Variants in NF1 observed in about 807,000 individuals in gnomAD.
NF1 encodes the protein neurofibromin 1.
A neutral mutation model predicts 325.7 loss-of-function variants in NF1; 122 were observed. The ratio of observed to expected loss-of-function variants is 0.37; its 90% CI spans 0.32 to 0.44. The LOEUF is 0.44. Ranked by LOEUF, NF1 falls within the 20% of genes least tolerant of loss-of-function variation. The pLI, the probability that NF1 is intolerant of heterozygous loss-of-function variation, is 1.00. For synonymous variants in NF1, 1,091 were observed against 1,186.0 expected, an observed-to-expected ratio of 0.92 and a Z score of 1.65; for missense variants, 2,140 against 3,415.4, an observed-to-expected ratio of 0.63 and a Z score of 9.31.
In NF1 at chr17:31,227,254, T is replaced by C. The variant is rs199474762; in HGVS notation, c.2288T>C (p.Leu763Pro). The C allele has an allele frequency of 1.2e-6, 2 of 1,613,734 alleles. No individual in the cohort carries two copies. The highest frequency in any genetic ancestry group is 1.7e-6 in the Non-Finnish European group (2 of 1,179,694). Reference sequence around the variant, plus strand: ...CTTCAGAAAAGAGTGATGGCACTGCTGAGGCGCATTGAGCATCCCACTGCA... The same window carrying C: ...CTTCAGAAAAGAGTGATGGCACTGCCGAGGCGCATTGAGCATCCCACTGCA... The part of the protein sequence containing the change: ...AALQKRVMAL[L>P]RRIEHPTAGN... The change falls in exon 19 of 58, where the codon CTG becomes CCG. Residue 763 changes from leucine to proline, a missense_variant. Around this residue, in one of 10 missense-constraint regions of NF1, gnomAD observed 380 missense variants for 639.3 expected, o/e 0.59. Coordinates refer to ENST00000358273, the MANE Select transcript of NF1 (RefSeq NM_001042492.3).
At chr17:31,174,972 A>G (rs1451431911) in intron 5 of NF1, among the ~76,000 whole-genome samples, 1 of 151,792 alleles carries the variant, frequency 6.6e-6, no homozygotes, top group Non-Finnish European at 1.5e-5. Flanking sequence ...AGCTGGGTGT[A>G]GTGGCGCACG....
chr17:31,196,804 C>G (rs1337679658), intron 8 of NF1, among the ~76,000 whole-genome samples: 1 of 152,148 alleles, frequency 6.6e-6, no homozygotes, highest in Non-Finnish European at 1.5e-5. Flanking sequence ...CATCCTTTCT[C>G]TATTGAATGG....
Position 31,226,430 on chromosome 17 carries a change from C to G in NF1, c.2002-5C>G, listed in dbSNP as rs1165625614. 1 of 1,613,166 alleles carries G rather than the reference C, an allele frequency of 6.2e-7. No homozygotes were observed. ...AAATATATGTCTTCCACCCTTGACT[C>G]TCAGGATAGTGCAGCAGGATGCAGC... is the stretch of plus-strand genomic sequence containing the variant. On this transcript the variant is annotated splice_polypyrimidine_tract_variant and splice_region_variant and intron_variant, in intron 17 of 57. Coordinates refer to ENST00000358273, the MANE Select transcript of NF1 (RefSeq NM_001042492.3).
At chr17:31,123,127 T>C (rs1914578243) in intron 1 of NF1, among the ~76,000 whole-genome samples, 1 of 152,208 alleles carries the variant, frequency 6.6e-6, no homozygotes, top group Non-Finnish European at 1.5e-5. Context: ...ATGAAGGAGA[T>C]GAAGCCTACA....
intron 3 of NF1, among the ~76,000 whole-genome samples, chr17:31,162,734 G>A (rs2065783867): frequency 1.3e-5 from 2 of 152,300 alleles, no homozygotes; most frequent in South Asian, 2.1e-4. Context: ...TGAGTAGGTA[G>A]TGTCTGTTTT....
intron 1 of NF1, among the ~76,000 whole-genome samples, chr17:31,151,035 A>C (rs78680741): frequency 1.2e-5 from 1 of 85,028 alleles, no homozygotes; most frequent in Non-Finnish European, 3.2e-5. Context: ...GCTCTGTCTC[A>C]AAAAAAAAAT....
chr17:31,305,053 A>G (rs771413444), intron 36 of NF1: 21 of 1,614,106 alleles, frequency 1.3e-5, no homozygotes, highest in Non-Finnish European at 1.6e-5. Context: ...GGTAGTATCT[A>G]AGATAAATCC....
intron 12 of NF1, among the ~76,000 whole-genome samples, chr17:31,210,784 C>T (rs2066715926): frequency 6.6e-6 from 1 of 152,076 alleles, no homozygotes; most frequent in Non-Finnish European, 1.5e-5. Context: ...TCTATTAATA[C>T]AATCTAAGAT....
At chr17:31,199,741 C>T (rs2066493302) in intron 8 of NF1, among the ~76,000 whole-genome samples, 1 of 152,112 alleles carries the variant, frequency 6.6e-6, no homozygotes, top group African/African-American at 2.4e-5. Flanking sequence ...TGAATATAAC[C>T]TGGAGTGTTA....
intron 12 of NF1, among the ~76,000 whole-genome samples, chr17:31,211,063 T>G (rs2066720493): frequency 6.6e-6 from 1 of 152,242 alleles, no homozygotes; most frequent in Admixed American, 6.5e-5. Flanking sequence ...TCACCAGATC[T>G]TTCTTACATG....
chr17:31,356,139 C>T (rs1199370137), intron 51 of NF1: 3 of 289,782 alleles, frequency 1.0e-5, no homozygotes, highest in African/African-American at 6.6e-5. Flanking sequence ...ATAATGCCTA[C>T]CATTGCATTT....
chr17:31,156,431 T>C (rs2065663460), intron 2 of NF1, among the ~76,000 whole-genome samples: 1 of 152,196 alleles, frequency 6.6e-6, no homozygotes, highest in South Asian at 2.1e-4. Context: ...TTTCTTGAAT[T>C]AGGATTTCAT....
intron 36 of NF1, among the ~76,000 whole-genome samples, chr17:31,271,271 T>C (rs1009744817): frequency 2.6e-5 from 4 of 152,220 alleles, no homozygotes; most frequent in African/African-American, 7.2e-5. Flanking sequence ...GTGTACTCAA[T>C]ATAAGATAAT....
chr17:31,260,615 T>C (rs1428393965), intron 34 of NF1, 100 bp downstream of exon 34: 1 of 1,343,046 alleles, frequency 7.4e-7, no homozygotes. Flanking sequence ...TGCATCTTCT[T>C]GGACTAAGAA....
Position 31,230,387 on chromosome 17 carries a change from G to A in NF1, c.3113+5G>A, listed in dbSNP as rs1555614549. On this transcript the variant is annotated splice_donor_5th_base_variant and intron_variant, in intron 23 of 57. Transcript: ENST00000358273. Reference sequence around the variant, plus strand: ...TTGCCAAGAGATGAAATTTAGGTGAGTTCTCAAAAGAGCAATGTAGGGTCT... The same window carrying A: ...TTGCCAAGAGATGAAATTTAGGTGAATTCTCAAAAGAGCAATGTAGGGTCT... The A allele has an allele frequency of 6.2e-7, 1 of 1,613,312 alleles. No homozygotes were observed. Among genetic ancestry groups the A allele is most frequent in the Non-Finnish European group, 8.5e-7 (1 of 1,179,468 alleles).
chr17:31,097,363 C>T (rs1372327302), intron 1 of NF1, among the ~76,000 whole-genome samples: 1 of 147,914 alleles, frequency 6.8e-6, no homozygotes, highest in Non-Finnish European at 1.5e-5. Flanking sequence ...GAGGCTGAGG[C>T]AGGAGAATTG....
intron 36 of NF1, chr17:31,320,295 C>T (rs1378144281): frequency 2.9e-5 from 35 of 1,201,032 alleles, no homozygotes; most frequent in African/African-American, 6.2e-5. Context: ...AAGAACCCTA[C>T]GTATGCTATA....
At chr17:31,119,235 C>T (rs747192690) in intron 1 of NF1, among the ~76,000 whole-genome samples, 2 of 152,162 alleles carry the variant, frequency 1.3e-5, no homozygotes, top group Non-Finnish European at 2.9e-5. Context: ...GCCACCGCGC[C>T]TGGCCTTAAG....
intron 27 of NF1, among the ~76,000 whole-genome samples, chr17:31,233,673 A>G (rs2067153177): frequency 6.6e-6 from 1 of 152,236 alleles, no homozygotes; most frequent in Non-Finnish European, 1.5e-5. Context: ...TGAAAGCGTC[A>G]TATGGCTATG....
Sources: allele counts gnomAD v4.1 joint callset (sites outside exome capture counted in the v4.1 genomes callset), GRCh38; gene constraint gnomAD v4.1.1; regional missense constraint gnomAD v4.1.1; transcripts MANE v1.5; gene names NCBI Gene and HGNC (gene_info 2026-07-23, HGNC 2026-07-21).